Variants in WNT3 observed in about 807,000 individuals in gnomAD.
WNT3 encodes proto-oncogene Wnt-3.
In WNT3, 7 loss-of-function variants were observed where a neutral mutation model predicts 34.2. The ratio of observed to expected loss-of-function variants is 0.20; its 90% CI spans 0.12 to 0.38. The LOEUF (loss-of-function observed/expected upper bound fraction) is 0.38, where lower values mean the gene tolerates loss of function less well. WNT3 is among the 10% of genes least tolerant of loss of function. The probability of loss-of-function intolerance (pLI) is 1.00; values close to 1 mark genes in which losing one functional copy is unlikely to be tolerated. For synonymous variants in WNT3, 212 were observed against 211.5 expected, an observed-to-expected ratio of 1.00 and a Z score of -0.02; for missense variants, 267 against 499.8, an observed-to-expected ratio of 0.53 and a Z score of 4.44.
At chr17:46,797,683 C>T (rs143782925) in intron 1 of WNT3, among the ~76,000 whole-genome samples, 4 of 152,268 alleles carry the variant, frequency 2.6e-5, no homozygotes, top group Non-Finnish European at 5.9e-5. Context: ...CTGTGCACAG[C>T]GAGATGCACA....
intron 2 of WNT3, among the ~76,000 whole-genome samples, chr17:46,770,950 C>G (rs2059361181): frequency 6.6e-6 from 1 of 152,260 alleles, no homozygotes; most frequent in East Asian, 1.9e-4. Flanking sequence ...ACCCGGGAGC[C>G]GGAGGTGACT....
intron 2 of WNT3, among the ~76,000 whole-genome samples, chr17:46,772,740 T>C (rs1442235902): frequency 1.3e-5 from 2 of 152,126 alleles, no homozygotes; most frequent in African/African-American, 4.8e-5. Context: ...GGAACTGCAC[T>C]CTAAAATGGG....
At chr17:46,774,468 C>T (rs1004884916) in intron 1 of WNT3, among the ~76,000 whole-genome samples, 1 of 152,250 alleles carries the variant, frequency 6.6e-6, no homozygotes, top group Non-Finnish European at 1.5e-5. Context: ...CTGGCTTGCA[C>T]CAAGTCCTTT....
intron 1 of WNT3, among the ~76,000 whole-genome samples, chr17:46,791,797 C>G (rs2083990680): frequency 6.7e-6 from 1 of 149,096 alleles, no homozygotes; most frequent in South Asian, 2.1e-4. Context: ...CACAGCACTT[C>G]AGAATTTCGA....
intron 1 of WNT3, among the ~76,000 whole-genome samples, chr17:46,814,945 C>T (rs1225866240): frequency 6.6e-6 from 1 of 152,132 alleles, no homozygotes; most frequent in East Asian, 1.9e-4. Context: ...CAGCTCACTG[C>T]CCTTGTCCTC....
rs114725921 is a variant in WNT3 at position 46,817,033 on chromosome 17, G to A, written c.80+1485C>T. On this transcript the variant is annotated intron_variant, in intron 1 of 4. Coordinates refer to ENST00000225512, the MANE Select transcript of WNT3 (RefSeq NM_030753.5). ...AGCCCAGCCCCCCGGAAAAGTGTGG[G>A]TTGGGCAGAAGAAAGACTTCCCCTT... Among the ~76,000 whole-genome samples, 935 of 152,302 alleles carry A rather than the reference G, an allele frequency of 6.1e-3. 7 individuals carry two copies. The highest frequency in any genetic ancestry group is 0.021 in the African/African-American group (870 of 41,566).
chr17:46,818,647 G>A lies in WNT3; in HGVS notation c.-50C>T. 1 of 1,498,576 alleles carries A rather than the reference G, an allele frequency of 6.7e-7. No homozygotes were observed. Among genetic ancestry groups the A allele is most frequent in the Non-Finnish European group, 9.1e-7 (1 of 1,095,462 alleles). 92.8% of individuals were successfully genotyped at this position (1,498,576 alleles called of 1,614,324 possible). ...TTGCCCGCGACCATGAAGAGGGGGA[G>A]CGACGCCCCCAATAGTTGGAACAAA... On this transcript the variant is annotated 5_prime_UTR_variant, in exon 1 of 5. Transcript: ENST00000225512.
At chr17:46,799,046 CAA>C (rs35108068) in intron 1 of WNT3, among the ~76,000 whole-genome samples, 1,491 of 93,180 alleles carry the variant, frequency 0.016, 10 homozygotes, top group East Asian at 0.024. Context: ...GACTCCGTCT[CAA>C]AAAAAAAAAA....
At chr17:46,802,351 C>T (rs779075994) in intron 1 of WNT3, among the ~76,000 whole-genome samples, 3 of 152,158 alleles carry the variant, frequency 2.0e-5, no homozygotes, top group East Asian at 1.9e-4. Context: ...CTGCAACCTC[C>T]GCCTCCTGGG....
intron 1 of WNT3, among the ~76,000 whole-genome samples, chr17:46,777,554 C>G (rs909121582): frequency 6.6e-6 from 1 of 152,274 alleles, no homozygotes; most frequent in South Asian, 2.1e-4. Context: ...GCTGTGCAGA[C>G]GCAGTCTCTC....
intron 1 of WNT3, among the ~76,000 whole-genome samples, chr17:46,797,812 T>C (rs1476728644): frequency 6.6e-6 from 1 of 152,166 alleles, no homozygotes; most frequent in Non-Finnish European, 1.5e-5. Context: ...AGAAACACAA[T>C]GCAGAGAGAG....
intron 1 of WNT3, among the ~76,000 whole-genome samples, chr17:46,817,294 G>T (rs1395772404): frequency 1.3e-5 from 2 of 152,178 alleles, no homozygotes; most frequent in Non-Finnish European, 1.5e-5. Flanking sequence ...GCACCGTGGT[G>T]GCACTTCTTT....
At chr17:46,775,633 A>C (rs1338129283) in intron 1 of WNT3, among the ~76,000 whole-genome samples, 1 of 98,702 alleles carries the variant, frequency 1.0e-5, no homozygotes, top group Non-Finnish European at 1.8e-5. Context: ...TTTTTTTTTG[A>C]GACAGAGTCT....
Position 46,768,915 on chromosome 17 carries a change from G to A in WNT3, c.589-116C>T. ...CCTCCAGCCTTCTCTACTCCTCTGT[G>A]ACAGGAAGAGAACTGATGGGGACTG... On this transcript the variant is annotated intron_variant, in intron 3 of 4. Coordinates refer to ENST00000225512, the MANE Select transcript of WNT3 (RefSeq NM_030753.5). The surrounding 1 kb of genome is among the most constrained non-coding windows in gnomAD (Gnocchi z 5.0). 1 of 1,457,274 alleles carries A rather than the reference G, an allele frequency of 6.9e-7. No homozygotes were observed. Among genetic ancestry groups the A allele is most frequent in the African/African-American group, 1.4e-5 (1 of 71,470 alleles). 90.3% of individuals were successfully genotyped at this position (1,457,274 alleles called of 1,614,324 possible).
intron 1 of WNT3, among the ~76,000 whole-genome samples, chr17:46,775,654 C>T (rs1341068728): frequency 1.4e-5 from 2 of 146,202 alleles, no homozygotes; most frequent in Non-Finnish European, 1.5e-5. Context: ...CGCTGTGTCA[C>T]CCAGGCTGGA....
chr17:46,804,919 A>ACC (rs71138552), intron 1 of WNT3, among the ~76,000 whole-genome samples: 1 of 57,474 alleles, frequency 1.7e-5, no homozygotes, highest in East Asian at 1.1e-3. Flanking sequence ...CTCCCCGCCC[A>ACC]CCCCCCCCAC....
At chr17:46,818,477 C>G (rs111719893) in intron 1 of WNT3, 41 bp downstream of exon 1, 1 of 1,572,424 alleles carries the variant, frequency 6.4e-7, no homozygotes, top group Non-Finnish European at 8.6e-7. Context: ...CCGGACGCGG[C>G]GGAGAAACCG....
Position 46,768,816 on chromosome 17 carries a change from G to T in WNT3, c.589-17C>A. On this transcript the variant is annotated splice_polypyrimidine_tract_variant and intron_variant, in intron 3 of 4. Coordinates refer to ENST00000225512, the MANE Select transcript of WNT3 (RefSeq NM_030753.5). This position sits in a 1 kb window ranked among gnomAD's most constrained non-coding sequence, Gnocchi z 5.0. Reference sequence around the variant, plus strand: ...CAGGATAGTCTGGGGGAGAGAAGTGGCAGCTGGCCAACAGACCGACCCCAC... The same window carrying T: ...CAGGATAGTCTGGGGGAGAGAAGTGTCAGCTGGCCAACAGACCGACCCCAC... The T allele has an allele frequency of 6.2e-7, 1 of 1,610,860 alleles. No homozygotes were observed. The highest frequency in any genetic ancestry group is 2.2e-5 in the East Asian group (1 of 44,844).
intron 1 of WNT3, among the ~76,000 whole-genome samples, chr17:46,811,634 A>G (rs1357121176): frequency 6.6e-6 from 1 of 152,120 alleles, no homozygotes; most frequent in Non-Finnish European, 1.5e-5. Context: ...TGCCCGAAGG[A>G]GAGCGTGGAG....
Sources: gnomAD v4.1 joint callset for allele counts (sites outside exome capture counted in the v4.1 genomes callset) on GRCh38, gnomAD v4.1.1 for gene constraint, Gnocchi (gnomAD v3.1) non-coding constraint, MANE v1.5 for transcripts, NCBI Gene and HGNC (gene_info 2026-07-23, HGNC 2026-07-21) for gene names.